ZNF850: variants seen among roughly 807,000 people sequenced by gnomAD.
ZNF850 encodes the protein zinc finger protein 850, also known as putative zinc finger protein ENSP00000330994.
ZNF850 carries 2 observed loss-of-function variants against 11.9 expected under a neutral mutation model. The observed-to-expected ratio is 0.17, with a 90% confidence interval of 0.07 to 0.53. The LOEUF (loss-of-function observed/expected upper bound fraction) is 0.53, where lower values mean the gene tolerates loss of function less well. Among genes scored for constraint, ZNF850 ranks in the 20% least tolerant of loss-of-function variants. The pLI, the probability that ZNF850 is intolerant of heterozygous loss-of-function variation, is 0.94. For synonymous variants in ZNF850, 381 were observed against 443.0 expected, an observed-to-expected ratio of 0.86 and a Z score of 1.76; for missense variants, 1,014 against 1,316.4, an observed-to-expected ratio of 0.77 and a Z score of 3.55.
chr19:36,753,527 A>G (rs968377185), intron 4 of ZNF850, among the ~76,000 whole-genome samples: 2 of 151,212 alleles, frequency 1.3e-5, no homozygotes, highest in African/African-American at 4.9e-5. Flanking sequence ...CGGAAAGTCA[A>G]TGCTGCAATG....
In ZNF850 at chr19:36,749,728, G is replaced by C. The variant is rs900498314; in HGVS notation, c.1312C>G (p.Gln438Glu). 57 of 1,558,248 alleles carry C rather than the reference G, an allele frequency of 3.7e-5. No individual in the cohort carries two copies. The highest frequency in any genetic ancestry group is 4.7e-5 in the Non-Finnish European group (54 of 1,153,894). The change falls in exon 5 of 5, where the codon CAA (glutamine) becomes GAA (glutamate). Residue 438 changes from glutamine (Q) to glutamate (E), a missense_variant. Gln to Glu is a conservative substitution (Grantham distance 29). Coordinates refer to ENST00000591344, the MANE Select transcript of ZNF850 (RefSeq NM_001193552.2). ...KSFTAGSTLI[Q>E]HQRIHTGEKP... ...TCACCAGTGTGAATTCGCTGATGTT[G>C]AATTAGTGTTGAGCCAGCAGTAAAA...
chr19:36,758,662 C>G (rs780895841), intron 4 of ZNF850, among the ~76,000 whole-genome samples: 12 of 152,276 alleles, frequency 7.9e-5, no homozygotes, highest in Non-Finnish European at 1.8e-4. Flanking sequence ...TGTGGCATAT[C>G]AGATCTTTTC....
At position 36,745,650 on chromosome 19, in the gene ZNF850, C is replaced by T; in HGVS notation, c.*2117G>A. ...CCAAGATCGTGCCATTGCACTCCAG[C>T]CTGGGCAACAAGAGCAAAACTCCAT... On this transcript the variant is annotated 3_prime_UTR_variant, in exon 5 of 5. Coordinates refer to ENST00000591344, the MANE Select transcript of ZNF850 (RefSeq NM_001193552.2). 6.7e-6 allele frequency: 1 copy of T among 149,998 alleles called. No homozygotes were observed. The highest frequency in any genetic ancestry group is 1.5e-5 in the Non-Finnish European group (1 of 68,126). The allele number at this position is 149,998 out of a possible 1,614,324, so 9.3% of individuals were successfully genotyped here.
At chr19:36,771,289 A>G (rs1159371040) in intron 1 of ZNF850, among the ~76,000 whole-genome samples, 1 of 152,160 alleles carries the variant, frequency 6.6e-6, no homozygotes, top group Non-Finnish European at 1.5e-5. Context: ...TGGGAAGGGG[A>G]GGAACGTGGG....
At position 36,749,950 on chromosome 19, in the gene ZNF850, G is replaced by A; in HGVS notation, c.1090C>T (p.Pro364Ser). 1.3e-6 allele frequency: 2 copies of A among 1,569,582 alleles called. No homozygotes were observed. The highest frequency in any genetic ancestry group is 1.7e-6 in the Non-Finnish European group (2 of 1,159,808). ...RHQRIHTGEKPYDCKECGKSF... is the reference protein window; with the variant it reads ...RHQRIHTGEKSYDCKECGKSF... ...TTTCCACATTCCTTACAGTCATAGG[G>A]TTTCTCACCAGTGTGAATTCGCTGA... is the stretch of plus-strand genomic sequence containing the variant. The change falls in exon 5 of 5, where the codon CCC becomes TCC. Residue 364 changes from proline (P) to serine (S), a missense_variant. By Grantham distance (74) the Pro-to-Ser change is moderately conservative. This residue lies in a region of ZNF850 where 835 missense variants were observed against 1,022.0 expected (regional missense o/e 0.82). Transcript: ENST00000591344.
intron 3 of ZNF850, among the ~76,000 whole-genome samples, 162 bp downstream of exon 3, chr19:36,762,143 T>C (rs1568738293): frequency 6.6e-6 from 1 of 151,780 alleles, no homozygotes; most frequent in Non-Finnish European, 1.5e-5. Flanking sequence ...GAGGAAGGTG[T>C]AGAGTTCTGA....
At position 36,745,917 on chromosome 19, in the gene ZNF850, C is replaced by T. The variant is rs572364690; in HGVS notation, c.*1850G>A. ...GCTGCTGGGAGTATAGCAGTGAGGACGACCAGAGGTCACTCTTGTCACCAT... is the reference window on the plus strand; with the variant it reads ...GCTGCTGGGAGTATAGCAGTGAGGATGACCAGAGGTCACTCTTGTCACCAT... On this transcript the variant is annotated 3_prime_UTR_variant, in exon 5 of 5. Transcript: ENST00000591344. 8.5e-5 allele frequency: 13 copies of T among 152,254 alleles called. No individual in the cohort carries two copies. In the East Asian group the frequency reaches 1.9e-3, roughly 23 times the overall value. 9.4% of individuals were successfully genotyped at this position (152,254 alleles called of 1,614,324 possible). A position where few individuals can be genotyped will look rare whatever the true frequency, so the allele number is the denominator to read the frequency against.
At chr19:36,751,846 T>G (rs972717713) in intron 4 of ZNF850, among the ~76,000 whole-genome samples, 3 of 151,968 alleles carry the variant, frequency 2.0e-5, no homozygotes, top group African/African-American at 7.3e-5. Context: ...AGGATCAACA[T>G]TCATTCATTA....
intron 4 of ZNF850, among the ~76,000 whole-genome samples, chr19:36,753,981 A>C (rs940154466): frequency 4.6e-5 from 7 of 151,978 alleles, no homozygotes; most frequent in Non-Finnish European, 8.8e-5. Context: ...AGACAGGAAA[A>C]GTGAGACAAA....
At chr19:36,760,158 T>G (rs1209410250) in intron 4 of ZNF850, among the ~76,000 whole-genome samples, 3 of 152,126 alleles carry the variant, frequency 2.0e-5, no homozygotes, top group African/African-American at 7.2e-5. Flanking sequence ...TTTAGACCCT[T>G]TATTAGGCTG....
In ZNF850 at chr19:36,747,360, C is replaced by T. The variant is rs1281588804; in HGVS notation, c.*407G>A. Reference sequence around the variant, plus strand: ...TCATGATAGAAAACTCATCTACATTCATTATCAATTTCTTTCAGTATTAAA... The same window carrying T: ...TCATGATAGAAAACTCATCTACATTTATTATCAATTTCTTTCAGTATTAAA... On this transcript the variant is annotated 3_prime_UTR_variant, in exon 5 of 5. Coordinates refer to ENST00000591344, the MANE Select transcript of ZNF850 (RefSeq NM_001193552.2). 6.2e-6 allele frequency: 1 copy of T among 160,102 alleles called. No homozygotes were observed. The highest frequency in any genetic ancestry group is 2.4e-5 in the African/African-American group (1 of 41,542). The allele number at this position is 160,102 out of a possible 1,614,324, so 9.9% of individuals were successfully genotyped here. A position where few individuals can be genotyped will look rare whatever the true frequency, so the allele number is the denominator to read the frequency against.
intron 1 of ZNF850, among the ~76,000 whole-genome samples, chr19:36,765,483 T>C (rs1198136864): frequency 6.6e-6 from 1 of 152,188 alleles, no homozygotes; most frequent in Admixed American, 6.5e-5. Flanking sequence ...TTTTAAAGCT[T>C]TATATTTCCT....
chr19:36,771,496 T>C (rs1228672), intron 1 of ZNF850, among the ~76,000 whole-genome samples: 15,846 of 24,950 alleles, frequency 0.64, 6,050 homozygotes, highest in Middle Eastern at 0.74. Flanking sequence ...CGGGACCAAT[T>C]AGGGGCTGAA....
intron 4 of ZNF850, among the ~76,000 whole-genome samples, chr19:36,753,422 C>CAAAAAA (rs58851544): frequency 0.023 from 1,048 of 46,568 alleles, 238 homozygotes; most frequent in African/African-American, 0.042. Flanking sequence ...GACACTGTCT[C>CAAAAAA]AAAAAAAAAA....
At chr19:36,770,998 G>A (rs71356018) in intron 1 of ZNF850, among the ~76,000 whole-genome samples, 5,792 of 152,186 alleles carry the variant, frequency 0.038, 140 homozygotes, top group Non-Finnish European at 0.055. Context: ...TATTTGGACT[G>A]AGATTAACAC....
intron 1 of ZNF850, among the ~76,000 whole-genome samples, chr19:36,767,234 A>G (rs2040554401): frequency 6.7e-6 from 1 of 149,812 alleles, no homozygotes; most frequent in Non-Finnish European, 1.5e-5. Flanking sequence ...GAGACTCAGT[A>G]TCAAAATATA....
intron 4 of ZNF850, among the ~76,000 whole-genome samples, chr19:36,757,262 G>T (rs941966746): frequency 6.6e-6 from 1 of 152,008 alleles, no homozygotes; most frequent in Non-Finnish European, 1.5e-5. Context: ...TAGATCCGTC[G>T]TGATTATGTT....
In ZNF850 at chr19:36,747,239, A is replaced by AT. The variant is rs1369248207; in HGVS notation, c.*527dup. ...AGTAATTTTGGCACAGAGAATTTAC[A>AT]TAACTAGCCTAATGTCACGTAGGTA... On this transcript the variant is annotated 3_prime_UTR_variant, in exon 5 of 5. Coordinates refer to ENST00000591344, the MANE Select transcript of ZNF850 (RefSeq NM_001193552.2). 1 of 152,786 alleles carries AT rather than the reference A, an allele frequency of 6.5e-6. No homozygotes were observed. The highest frequency in any genetic ancestry group is 2.4e-5 in the African/African-American group (1 of 41,456). The allele number at this position is 152,786 out of a possible 1,614,324, so 9.5% of individuals were successfully genotyped here.
rs755794936 is a variant in ZNF850, at chr19:36,749,058, G to A, written c.1982C>T (p.Thr661Ile). 1.2e-6 allele frequency: 2 copies of A among 1,601,674 alleles called. No individual in the cohort carries two copies. Among genetic ancestry groups the A allele is most frequent in the Admixed American group, 1.7e-5 (1 of 58,288 alleles). The part of the protein sequence containing the change: ...GKAFVSVSGL[T>I]QHHRIHTGEK... The stretch of plus-strand genomic sequence containing the variant: ...ACCAGTGTGAATTCTGTGATGTTGG[G>A]TGAGTCCTGAGACACTGACAAAGGC... The change falls in exon 5 of 5, where the codon ACC becomes ATC. Residue 661 changes from threonine to isoleucine, a missense_variant. By Grantham distance (89) the Thr-to-Ile change is moderately conservative (BLOSUM62 -1). Around this residue, in one of 2 missense-constraint regions of ZNF850, gnomAD observed 835 missense variants for 1,022.0 expected, o/e 0.82. Coordinates refer to ENST00000591344, the MANE Select transcript of ZNF850 (RefSeq NM_001193552.2).
Sources: allele counts gnomAD v4.1 joint callset (sites outside exome capture counted in the v4.1 genomes callset), GRCh38; gene constraint gnomAD v4.1.1; regional missense constraint gnomAD v4.1.1; transcripts MANE v1.5; gene names NCBI Gene and HGNC (gene_info 2026-07-23, HGNC 2026-07-21).